Variants in TRIM37 observed in about 807,000 individuals in gnomAD.
TRIM37 encodes E3 ubiquitin-protein ligase TRIM37.
Under a neutral mutation model 129.8 loss-of-function variants are expected in TRIM37, and 80 were observed. The observed-to-expected ratio is 0.62, with a 90% confidence interval of 0.51 to 0.74. TRIM37 has a LOEUF of 0.74. Ranked by LOEUF, TRIM37 falls within the 30% of genes least tolerant of loss-of-function variation. The pLI, the probability that TRIM37 is intolerant of heterozygous loss-of-function variation, is 0.00. For missense variants in TRIM37, 1,054 were observed against 1,176.5 expected (o/e 0.90, Z 1.52); for synonymous variants, 389 against 387.1 (o/e 1.00, Z -0.06).
chr17:59,040,401 G>C (rs923982084), intron 17 of TRIM37, among the ~76,000 whole-genome samples: 3 of 152,102 alleles, frequency 2.0e-5, no homozygotes, highest in African/African-American at 7.2e-5. Context: ...AGAACCAACA[G>C]ATCTTGGTAA....
At chr17:59,076,096 A>G (rs988832743) in intron 7 of TRIM37, among the ~76,000 whole-genome samples, 17 of 152,210 alleles carry the variant, frequency 1.1e-4, no homozygotes, top group African/African-American at 4.1e-4. Context: ...ACCAAATTTA[A>G]CTGTGGCTTA....
chr17:59,097,031 T>C (rs994789478), intron 2 of TRIM37, among the ~76,000 whole-genome samples: 1 of 152,188 alleles, frequency 6.6e-6, no homozygotes, highest in Non-Finnish European at 1.5e-5. Context: ...TATGATCATC[T>C]CAATTGATGC....
intron 19 of TRIM37, among the ~76,000 whole-genome samples, chr17:59,025,224 T>C (rs1218444040): frequency 1.3e-5 from 2 of 152,016 alleles, no homozygotes; most frequent in Non-Finnish European, 2.9e-5. Context: ...TCACACAGCA[T>C]CATATAAAAT....
intron 16 of TRIM37, among the ~76,000 whole-genome samples, chr17:59,044,572 T>A (rs966415011): frequency 7.9e-5 from 12 of 151,742 alleles, no homozygotes; most frequent in Non-Finnish European, 1.6e-4. Flanking sequence ...CAAAAAAAAA[T>A]AAATAAAACA....
At chr17:58,971,095 T>TA in the TRIM37 span, among the ~76,000 whole-genome samples, 1 of 152,112 alleles carries the variant, frequency 6.6e-6, no homozygotes, top group Non-Finnish European at 1.5e-5. Context: ...TTCTCCTTCT[T>TA]ATGCTTCCAT....
At chr17:59,047,885 C>T in intron 15 of TRIM37, 66 bp from the exon 16 acceptor site, 1 of 1,582,658 alleles carries the variant, frequency 6.3e-7, no homozygotes, top group South Asian at 1.1e-5. Flanking sequence ...TCACCCCATC[C>T]AGCCCATAAA....
At chr17:59,003,643 A>AT (rs1381894818) in intron 22 of TRIM37, among the ~76,000 whole-genome samples, 1 of 137,448 alleles carries the variant, frequency 7.3e-6, no homozygotes, top group Non-Finnish European at 1.6e-5. Flanking sequence ...CCAGAGTCTT[A>AT]TTAAAAAAAA....
chr17:59,067,988 A>G (rs970734132), intron 9 of TRIM37, among the ~76,000 whole-genome samples: 1 of 152,220 alleles, frequency 6.6e-6, no homozygotes, highest in Non-Finnish European at 1.5e-5. Context: ...ACTAAAGGCA[A>G]TAGAAACACC....
At chr17:59,034,997 T>C (rs575214127) in intron 17 of TRIM37, among the ~76,000 whole-genome samples, 5 of 152,318 alleles carry the variant, frequency 3.3e-5, no homozygotes, top group Admixed American at 1.3e-4. Context: ...TTGGTCAACA[T>C]TATTCATGAG....
At chr17:59,054,055 T>C (rs1054533923) in intron 13 of TRIM37, among the ~76,000 whole-genome samples, 25 of 152,238 alleles carry the variant, frequency 1.6e-4, no homozygotes, top group Non-Finnish European at 3.4e-4. Flanking sequence ...AATGCTGATA[T>C]GATAGCAACT....
At chr17:58,967,285 G>GT in the TRIM37 span, among the ~76,000 whole-genome samples, 1 of 152,000 alleles carries the variant, frequency 6.6e-6, no homozygotes, top group Non-Finnish European at 1.5e-5. Context: ...TGACATAAAT[G>GT]TTTTTACAAC....
At chr17:59,099,042 G>T (rs1378939251) in intron 2 of TRIM37, among the ~76,000 whole-genome samples, 2 of 152,076 alleles carry the variant, frequency 1.3e-5, no homozygotes, top group African/African-American at 4.8e-5. Context: ...AATTAGCTGG[G>T]TGTACTGGCG....
At chr17:59,050,500 T>C (rs1021215101) in intron 14 of TRIM37, among the ~76,000 whole-genome samples, 1 of 150,972 alleles carries the variant, frequency 6.6e-6, no homozygotes, top group African/African-American at 2.4e-5. Flanking sequence ...CAAGACCAGC[T>C]TGGGCAACAT....
At chr17:59,089,052 A>G (rs2044038758) in intron 3 of TRIM37, among the ~76,000 whole-genome samples, 1 of 151,794 alleles carries the variant, frequency 6.6e-6, no homozygotes, top group Non-Finnish European at 1.5e-5. Flanking sequence ...GCTTGAGCCC[A>G]GGTGTTCGAG....
chr17:59,024,392 A>G (rs1218641699), intron 19 of TRIM37, among the ~76,000 whole-genome samples: 1 of 152,200 alleles, frequency 6.6e-6, no homozygotes, highest in African/African-American at 2.4e-5. Flanking sequence ...TTAACAAGAC[A>G]TATATAGAAC....
chr17:58,981,312 C>A, downstream of TRIM37: 1 of 340,132 alleles, frequency 2.9e-6, no homozygotes, highest in Admixed American at 4.5e-5. Flanking sequence ...TCACTAGATA[C>A]ACAACCCCCT....
Position 59,055,775 on chromosome 17 carries a change from G to C in TRIM37, c.1199+1100C>G, listed in dbSNP as rs190720502. On this transcript the variant is annotated intron_variant, in intron 13 of 23. Transcript: ENST00000262294. ...ACAACAGACACTGGGGCCTACTTGA[G>C]GGTGGAGGGTGGGAGGAGGGAGAGG... Among the ~76,000 whole-genome samples, 372 of 151,952 alleles carry C rather than the reference G, an allele frequency of 2.4e-3. 1 individual carries two copies. The highest frequency in any genetic ancestry group is 4.2e-3 in the Non-Finnish European group (287 of 67,986).
chr17:59,047,276 C>T (rs572819938), intron 16 of TRIM37, among the ~76,000 whole-genome samples: 1 of 152,150 alleles, frequency 6.6e-6, no homozygotes, highest in South Asian at 2.1e-4. Context: ...TACAGTATTA[C>T]ATCAATGTTA....
At chr17:59,055,273 T>C (rs1046797193) in intron 13 of TRIM37, among the ~76,000 whole-genome samples, 9 of 135,572 alleles carry the variant, frequency 6.6e-5, no homozygotes, top group African/African-American at 2.6e-4. Context: ...GAGGCAAAGG[T>C]TGCAGGGAGC....
Sources: gnomAD v4.1 joint callset for allele counts (sites outside exome capture counted in the v4.1 genomes callset) on GRCh38, gnomAD v4.1.1 for gene constraint, MANE v1.5 for transcripts, NCBI Gene and HGNC (gene_info 2026-07-23, HGNC 2026-07-21) for gene names.